Variants in CFH observed in about 807,000 individuals in gnomAD.
CFH encodes the protein H factor 1 (complement).
Under a neutral mutation model 147.3 loss-of-function variants are expected in CFH, and 53 were observed. The ratio of observed to expected loss-of-function variants is 0.36; its 90% CI spans 0.29 to 0.45. The LOEUF (loss-of-function observed/expected upper bound fraction) is 0.45, where lower values mean the gene tolerates loss of function less well. CFH is among the 20% of genes least tolerant of loss of function. CFH has a pLI of 1.00. For missense variants in CFH, 1,380 were observed against 1,498.0 expected, an observed-to-expected ratio of 0.92 and a Z score of 1.30; for synonymous variants, 536 against 489.4, an observed-to-expected ratio of 1.10 and a Z score of -1.26.
At chr1:196,714,662 T>TAG (rs1668815046) in intron 10 of CFH, among the ~76,000 whole-genome samples, 6 of 37,478 alleles carry the variant, frequency 1.6e-4, no homozygotes, top group African/African-American at 2.1e-4. Context: ...TATATATATA[T>TAG]ATATATAGAG....
intron 15 of CFH, among the ~76,000 whole-genome samples, chr1:196,735,330 G>T (rs1169692687): frequency 6.6e-6 from 1 of 152,024 alleles, no homozygotes; most frequent in East Asian, 1.9e-4. Context: ...GAAACACTCA[G>T]TTTTTTAATT....
intron 17 of CFH, among the ~76,000 whole-genome samples, chr1:196,739,762 T>G (rs1652744306): frequency 6.6e-6 from 1 of 152,314 alleles, no homozygotes; most frequent in Non-Finnish European, 1.5e-5. Flanking sequence ...TGTTATCCAG[T>G]TCCAAAGCTG....
At chr1:196,668,690 A>G (rs2149074796) in intron 1 of CFH, among the ~76,000 whole-genome samples, 1 of 152,296 alleles carries the variant, frequency 6.6e-6, no homozygotes, top group Middle Eastern at 3.4e-3. Flanking sequence ...TACCATATGA[A>G]GAAGATCCTC....
intron 1 of CFH, among the ~76,000 whole-genome samples, chr1:196,662,902 A>G (rs1483723116): frequency 6.6e-6 from 1 of 152,142 alleles, no homozygotes; most frequent in African/African-American, 2.4e-5. Context: ...AAATTTTATG[A>G]ATCAAAACTT....
intron 9 of CFH, among the ~76,000 whole-genome samples, chr1:196,697,844 G>A (rs1446912861): frequency 1.3e-5 from 2 of 152,072 alleles, no homozygotes; most frequent in South Asian, 2.1e-4. Flanking sequence ...AAGAGTTCAT[G>A]TCCTTTGTAG....
At chr1:196,719,713 A>G (rs1668954469) in intron 11 of CFH, among the ~76,000 whole-genome samples, 1 of 151,686 alleles carries the variant, frequency 6.6e-6, no homozygotes, top group South Asian at 2.1e-4. Context: ...TAAAAATTAT[A>G]AACATGTAAG....
In CFH at chr1:196,690,085, G is replaced by A. The variant is rs766291078; in HGVS notation, c.1182G>A (p.Leu394=). 1 of 1,609,834 alleles carries A rather than the reference G, an allele frequency of 6.2e-7. No homozygotes were observed. The highest frequency in any genetic ancestry group is 8.5e-7 in the Non-Finnish European group (1 of 1,176,944). ...TAGGAAAATGTTATTTTCCTTATTTGGAAAATGGATATAATCAAAATCATG... is the reference window on the plus strand; with the variant it reads ...TAGGAAAATGTTATTTTCCTTATTTAGAAAATGGATATAATCAAAATCATG... ...PCLRKCYFPY[L]ENGYNQNHGR... Residue 394 remains leucine, a synonymous_variant, in exon 9 of 22, where the codon TTG becomes TTA. Coordinates refer to ENST00000367429, the MANE Select transcript of CFH (RefSeq NM_000186.4).
chr1:196,698,114 C>G (rs950648015), intron 9 of CFH, among the ~76,000 whole-genome samples: 1 of 151,930 alleles, frequency 6.6e-6, no homozygotes, highest in African/African-American at 2.4e-5. Flanking sequence ...TGTAACTAAC[C>G]TGCACGTAGT....
rs750755559 is a variant in CFH, at chr1:196,747,257, T to C, written c.3640T>C (p.Leu1214=). The change falls in exon 22 of 22, where the codon TTG becomes CTG. Residue 1214 remains leucine (L), a synonymous_variant. Coordinates refer to ENST00000367429, the MANE Select transcript of CFH (RefSeq NM_000186.4). Reference sequence around the variant, plus strand: ...TCGTCTTTCATCACGTTCTCACACATTGCGAACAACATGTTGGGATGGGAA... The same window carrying C: ...TCGTCTTTCATCACGTTCTCACACACTGCGAACAACATGTTGGGATGGGAA... ...GYRLSSRSHT[L]RTTCWDGKLE... 2.5e-6 allele frequency: 4 copies of C among 1,614,016 alleles called. No individual in the cohort carries two copies. The highest frequency in any genetic ancestry group is 2.7e-5 in the African/African-American group (2 of 75,032).
chr1:196,715,827 T>A (rs1268077353), intron 11 of CFH, 58 bp downstream of exon 11: 10 of 1,463,694 alleles, frequency 6.8e-6, no homozygotes, highest in Non-Finnish European at 9.4e-6. Context: ...TGTTTTCCAA[T>A]TTTAAAAATT....
chr1:196,668,743 C>T (rs1667180131), intron 1 of CFH, among the ~76,000 whole-genome samples: 1 of 152,172 alleles, frequency 6.6e-6, no homozygotes, highest in South Asian at 2.1e-4. Flanking sequence ...TTTCCTGAAG[C>T]CTCCCCAACC....
intron 9 of CFH, among the ~76,000 whole-genome samples, chr1:196,704,397 C>A (rs1424108091): frequency 6.6e-6 from 1 of 152,162 alleles, no homozygotes; most frequent in African/African-American, 2.4e-5. Flanking sequence ...CCACTGCTCC[C>A]GTCCTGTTAG....
At position 196,685,099 on chromosome 1, in the gene CFH, G is replaced by A; in HGVS notation, c.826G>A (p.Asp276Asn). Residue 276 changes from aspartate (D) to asparagine (N), a missense_variant, in exon 7 of 22, where the codon GAC becomes AAC. By Grantham distance (23) the Asp-to-Asn change is conservative (BLOSUM62 1). Around this residue, in one of 4 missense-constraint regions of CFH, gnomAD observed 167 missense variants for 228.0 expected, o/e 0.73. Coordinates refer to ENST00000367429, the MANE Select transcript of CFH (RefSeq NM_000186.4). ...SCDNPYIPNG[D>N]YSPLRIKHRT... ...TGATAATCCTTATATTCCAAATGGT[G>A]ACTACTCACCTTTAAGGATTAAACA... The A allele has an allele frequency of 6.2e-7, 1 of 1,611,494 alleles. No homozygotes were observed. The highest frequency in any genetic ancestry group is 8.5e-7 in the Non-Finnish European group (1 of 1,178,288).
chr1:196,735,532 T>G (rs545698017), intron 15 of CFH, among the ~76,000 whole-genome samples: 2 of 152,198 alleles, frequency 1.3e-5, no homozygotes, highest in African/African-American at 4.8e-5. Flanking sequence ...ATAATGATTG[T>G]GGTACACATT....
At chr1:196,725,063 A>G in intron 11 of CFH, 58 bp from the exon 12 acceptor site, 1 of 1,458,626 alleles carries the variant, frequency 6.9e-7, no homozygotes, top group South Asian at 1.2e-5. Flanking sequence ...CATATGTAAA[A>G]TTAACTTTGG....
chr1:196,673,697 G>A (rs756918320), intron 2 of CFH, among the ~76,000 whole-genome samples, 160 bp from the exon 3 acceptor site: 1 of 152,100 alleles, frequency 6.6e-6, no homozygotes, highest in Non-Finnish European at 1.5e-5. Flanking sequence ...CAAGCATATA[G>A]TTTAAGTTCA....
At chr1:196,728,847 CCT>C (rs1258897357) in intron 15 of CFH, among the ~76,000 whole-genome samples, 1 of 151,908 alleles carries the variant, frequency 6.6e-6, no homozygotes, top group Non-Finnish European at 1.5e-5. Flanking sequence ...TGTGCCTATA[CCT>C]CTGTCTATGC....
chr1:196,716,119 T>C (rs955752637), intron 11 of CFH, among the ~76,000 whole-genome samples: 14 of 152,168 alleles, frequency 9.2e-5, no homozygotes, highest in African/African-American at 1.9e-4. Context: ...ATTTCTACTT[T>C]ACATCTTCTA....
At chr1:196,714,666 TATAGAGAGAGAGAGAGAG>T (rs1312279480) in intron 10 of CFH, among the ~76,000 whole-genome samples, 68 of 28,332 alleles carry the variant, frequency 2.4e-3, no homozygotes, top group Admixed American at 0.014. Flanking sequence ...TATATATATA[TATAGAGAGAGAGAGAGAG>T]AGAGAGAGAG....
Sources: allele counts gnomAD v4.1 joint callset (sites outside exome capture counted in the v4.1 genomes callset), GRCh38; gene constraint gnomAD v4.1.1; regional missense constraint gnomAD v4.1.1; transcripts MANE v1.5; gene names NCBI Gene and HGNC (gene_info 2026-07-23, HGNC 2026-07-21).